Variants in ATF2 observed in about 807,000 individuals in gnomAD.
ATF2 encodes the protein activating transcription factor 2, also known as cyclic AMP-dependent transcription factor ATF-2.
In ATF2, 24 loss-of-function variants were observed where a neutral mutation model predicts 60.6. The observed-to-expected ratio is 0.40, with a 90% confidence interval of 0.29 to 0.56. ATF2 has a LOEUF of 0.56. Ranked by LOEUF, ATF2 falls within the 20% of genes least tolerant of loss-of-function variation. The pLI is 0.54. For missense variants in ATF2, 433 were observed against 607.7 expected (o/e 0.71, Z 3.02); for synonymous variants, 206 against 215.4 (o/e 0.96, Z 0.38).
chr2:175,167,030 T>C (rs916172998), intron 1 of ATF2, among the ~76,000 whole-genome samples: 2 of 152,184 alleles, frequency 1.3e-5, no homozygotes, highest in Non-Finnish European at 2.9e-5. Flanking sequence ...TTCACTAAAA[T>C]TTCTGATGCC....
intron 2 of ATF2, among the ~76,000 whole-genome samples, chr2:175,150,665 G>GCCCAAAA (rs1699252907): frequency 6.7e-6 from 1 of 150,264 alleles, no homozygotes; most frequent in Admixed American, 6.6e-5. Context: ...CCTAGAGTGG[G>GCCCAAAA]TAAACTTTTT....
chr2:175,129,011 G>A (rs903391389), intron 4 of ATF2, among the ~76,000 whole-genome samples: 3 of 152,014 alleles, frequency 2.0e-5, no homozygotes, highest in Non-Finnish European at 2.9e-5. Context: ...TCCTCCAAGA[G>A]AAATGAAAGC....
chr2:175,077,656 T>C (rs1417459127), intron 13 of ATF2, among the ~76,000 whole-genome samples: 1 of 152,138 alleles, frequency 6.6e-6, no homozygotes, highest in African/African-American at 2.4e-5. Flanking sequence ...AACAGTAAAT[T>C]ATAAGGGATG....
chr2:175,093,416 T>G (rs959413558), intron 11 of ATF2, 149 bp from the exon 12 acceptor site: 1 of 770,420 alleles, frequency 1.3e-6, no homozygotes, highest in East Asian at 2.7e-5. Flanking sequence ...AAAATCACCC[T>G]GTGGTTTAAC....
chr2:175,099,797 A>C (rs1695186836), intron 10 of ATF2, among the ~76,000 whole-genome samples: 2 of 152,250 alleles, frequency 1.3e-5, no homozygotes, highest in African/African-American at 4.8e-5. Context: ...ATATAAACCC[A>C]GATCTCTTTA....
chr2:175,145,369 A>AT (rs1211622243), intron 2 of ATF2, among the ~76,000 whole-genome samples: 1 of 152,064 alleles, frequency 6.6e-6, no homozygotes, highest in Non-Finnish European at 1.5e-5. Context: ...AGGAGATCTG[A>AT]TTTTTTAAAA....
intron 10 of ATF2, among the ~76,000 whole-genome samples, chr2:175,108,327 G>C (rs1412340384): frequency 6.6e-6 from 1 of 151,530 alleles, no homozygotes; most frequent in East Asian, 2.0e-4. Context: ...GAGGTGGGGG[G>C]TCAACCCCCG....
chr2:175,076,851 G>C (rs1693352256), intron 13 of ATF2, among the ~76,000 whole-genome samples: 1 of 151,296 alleles, frequency 6.6e-6, no homozygotes, highest in African/African-American at 2.4e-5. Context: ...CAACGTGCAG[G>C]TTAGTTACAT....
chr2:175,103,161 G>GA (rs1429086303), intron 10 of ATF2, among the ~76,000 whole-genome samples: 1 of 151,980 alleles, frequency 6.6e-6, no homozygotes, highest in African/African-American at 2.4e-5. Flanking sequence ...ACAGTTCAAA[G>GA]AAAAAAGATA....
chr2:175,143,518 A>C (rs1402762489), intron 2 of ATF2, among the ~76,000 whole-genome samples: 1 of 152,150 alleles, frequency 6.6e-6, no homozygotes, highest in Non-Finnish European at 1.5e-5. Context: ...CTAGAAGTGA[A>C]ACTGCTATAT....
chr2:175,142,610 T>C (rs373940600), intron 2 of ATF2, among the ~76,000 whole-genome samples: 2 of 152,150 alleles, frequency 1.3e-5, no homozygotes, highest in East Asian at 3.9e-4. Context: ...TGACAACATA[T>C]AGCAATTTCT....
At chr2:175,076,125 C>G (rs1228139501) in intron 13 of ATF2, among the ~76,000 whole-genome samples, 2 of 152,076 alleles carry the variant, frequency 1.3e-5, no homozygotes, top group South Asian at 2.1e-4. Flanking sequence ...GAGGGGGATA[C>G]CTGGTAGTGT....
chr2:175,074,720 T>C lies in ATF2; in HGVS notation c.1407A>G (p.Ala469=), dbSNP rs1289983449. Residue 469 remains alanine, a synonymous_variant, in exon 14 of 14, where the codon GCA becomes GCG. Coordinates refer to ENST00000264110, the MANE Select transcript of ATF2 (RefSeq NM_001880.4). ...TSNGVSSTSK[A]EAVATSVLTQ... is the part of the protein sequence containing the mutation. ...TGAGGACTGAAGTGGCTACAGCTTC[T>C]GCCTTGGAGGTTGAACTGACTCCAT... 3 of 1,613,502 alleles carry C rather than the reference T, an allele frequency of 1.9e-6. No homozygotes were observed. The highest frequency in any genetic ancestry group is 1.7e-5 in the Admixed American group (1 of 59,868).
At chr2:175,114,636 T>C (rs746835352) in intron 8 of ATF2, 54 bp downstream of exon 8, 2 of 1,571,996 alleles carry the variant, frequency 1.3e-6, no homozygotes, top group Admixed American at 3.5e-5. Context: ...GAAAAATCAT[T>C]ACAAAACAAA....
intron 2 of ATF2, among the ~76,000 whole-genome samples, chr2:175,141,793 C>T (rs1437135507): frequency 1.3e-5 from 2 of 150,870 alleles, no homozygotes; most frequent in Non-Finnish European, 2.9e-5. Context: ...GTGCCTGGTC[C>T]CTATAAATAT....
intron 12 of ATF2, among the ~76,000 whole-genome samples, chr2:175,086,365 T>G (rs1004566046): frequency 6.6e-6 from 1 of 152,106 alleles, no homozygotes; most frequent in African/African-American, 2.4e-5. Flanking sequence ...CAAACATAGC[T>G]GGAGTGCAGT....
chr2:175,098,038 C>A (rs1695052950), intron 10 of ATF2, among the ~76,000 whole-genome samples: 1 of 152,212 alleles, frequency 6.6e-6, no homozygotes, highest in African/African-American at 2.4e-5. Context: ...ACCACTTTAT[C>A]AAGCAACAAT....
In ATF2 at chr2:175,093,776, G is replaced by A. The variant is rs147123829; in HGVS notation, c.979-509C>T. On this transcript the variant is annotated intron_variant, in intron 11 of 13. Transcript: ENST00000264110. ...ATTTGTTTCTCTAAAGTTATGGAGT[G>A]AAAATATATATATTCTTTGGTATAT... is the stretch of plus-strand genomic sequence containing the variant. Among the ~76,000 whole-genome samples the A allele has an allele frequency of 1.8e-3, 268 of 152,174 alleles. 2 individuals are homozygous for A. Among genetic ancestry groups the A allele is most frequent in the African/African-American group, 5.8e-3 (239 of 41,530 alleles).
intron 2 of ATF2, among the ~76,000 whole-genome samples, chr2:175,141,633 C>G (rs888188790): frequency 6.6e-6 from 1 of 151,964 alleles, no homozygotes; most frequent in African/African-American, 2.4e-5. Context: ...GCTGGGACTA[C>G]AGGAGCCCGC....
Sources: allele counts gnomAD v4.1 joint callset (sites outside exome capture counted in the v4.1 genomes callset), GRCh38; gene constraint gnomAD v4.1.1; transcripts MANE v1.5; gene names NCBI Gene and HGNC (gene_info 2026-07-23, HGNC 2026-07-21).